HS3ST5: variants seen among roughly 807,000 people sequenced by gnomAD.
HS3ST5 encodes the protein heparan sulfate glucosamine 3-O-sulfotransferase 5.
In HS3ST5, 10 loss-of-function variants were observed where a neutral mutation model predicts 25.4. The observed-to-expected ratio is 0.39, with a 90% confidence interval of 0.24 to 0.67. The LOEUF is 0.67. Ranked by LOEUF, HS3ST5 falls within the 30% of genes least tolerant of loss-of-function variation. HS3ST5 has a pLI of 0.44. For missense variants in HS3ST5, 324 were observed against 420.7 expected, an observed-to-expected ratio of 0.77 and a Z score of 2.01; for synonymous variants, 170 against 162.4, an observed-to-expected ratio of 1.05 and a Z score of -0.36.
intron 3 of HS3ST5, among the ~76,000 whole-genome samples, chr6:114,103,390 T>G (rs1775826298): frequency 6.6e-6 from 1 of 152,068 alleles, no homozygotes; most frequent in Admixed American, 6.6e-5. Flanking sequence ...TATTATGTTT[T>G]ATGATAAGAG....
chr6:114,062,306 G>GC (rs1773164190), intron 4 of HS3ST5, among the ~76,000 whole-genome samples: 4 of 152,140 alleles, frequency 2.6e-5, no homozygotes, highest in African/African-American at 9.7e-5. Context: ...AACTCGATGA[G>GC]CTCCTTTAGA....
intron 1 of HS3ST5, among the ~76,000 whole-genome samples, chr6:114,253,769 T>C (rs1006911113): frequency 5.9e-5 from 9 of 152,224 alleles, no homozygotes; most frequent in African/African-American, 2.2e-4. Context: ...CATGGTGAGA[T>C]AGTATTTCAG....
chr6:114,255,930 AAC>A (rs1201265835), intron 1 of HS3ST5, among the ~76,000 whole-genome samples: 3 of 152,174 alleles, frequency 2.0e-5, no homozygotes, highest in African/African-American at 7.2e-5. Context: ...CTTGGTGATT[AAC>A]ATTTGACTCC....
chr6:114,109,861 C>A (rs1776182605), intron 3 of HS3ST5, among the ~76,000 whole-genome samples: 1 of 152,190 alleles, frequency 6.6e-6, no homozygotes, highest in African/African-American at 2.4e-5. Flanking sequence ...AAGGCTACAA[C>A]AAGGGACAGT....
chr6:114,134,667 A>G (rs1371950008), intron 3 of HS3ST5, among the ~76,000 whole-genome samples: 1 of 152,172 alleles, frequency 6.6e-6, no homozygotes. Context: ...GTTTTTTAAA[A>G]GCTCCTCAGG....
At chr6:114,335,350 C>T (rs1819198) in intron 1 of HS3ST5, among the ~76,000 whole-genome samples, 90,317 of 151,290 alleles carry the variant, frequency 0.6, 27,140 homozygotes, top group Non-Finnish European at 0.62. Context: ...AACTTGATCT[C>T]TTAAGTCAAG....
rs1772837120 is a variant in HS3ST5, at chr6:114,057,524, G to A, written c.774C>T (p.Leu258=). ...EQFHVVDGDR[L]ITEPLPELQL... is the part of the protein sequence containing the mutation. ...GAAGTTCTGGCAGAGGTTCCGTGAT[G>A]AGGCGATCTCCATCGACGACATGAA... The change falls in exon 5 of 5, where the codon CTC becomes CTT. Residue 258 remains leucine, a synonymous_variant. Transcript: ENST00000312719. The A allele has an allele frequency of 1.2e-6, 2 of 1,614,092 alleles. No homozygotes were observed. Among genetic ancestry groups the A allele is most frequent in the Admixed American group, 3.3e-5 (2 of 60,006 alleles).
rs1256731988 is a variant in HS3ST5 at position 114,100,928 on chromosome 6, T to G, written c.-32-38051A>C. Among the ~76,000 whole-genome samples, 3 of 152,338 alleles carry G rather than the reference T, an allele frequency of 2.0e-5. No homozygotes were observed. In the East Asian group the frequency reaches 5.8e-4, roughly 29 times the overall value. On this transcript the variant is annotated intron_variant, in intron 3 of 4. Coordinates refer to ENST00000312719, the MANE Select transcript of HS3ST5 (RefSeq NM_153612.4). Reference sequence around the variant, plus strand: ...TAAAGTGCTAGCTAAGAGTCATAGCTTTTGGTTTGAAAACAATTAATCTGG... The same window carrying G: ...TAAAGTGCTAGCTAAGAGTCATAGCGTTTGGTTTGAAAACAATTAATCTGG...
At chr6:114,138,628 C>T (rs1030294754) in intron 3 of HS3ST5, among the ~76,000 whole-genome samples, 7 of 152,134 alleles carry the variant, frequency 4.6e-5, no homozygotes, top group Admixed American at 1.3e-4. Context: ...TCCTTTGTAC[C>T]GGACCCATCT....
intron 1 of HS3ST5, among the ~76,000 whole-genome samples, chr6:114,231,695 A>G (rs186569438): frequency 5.3e-5 from 8 of 151,844 alleles, no homozygotes; most frequent in Admixed American, 3.9e-4. Flanking sequence ...AATGATAGGA[A>G]TGAGCACATA....
At chr6:114,063,699 G>T (rs533630737) in intron 3 of HS3ST5, among the ~76,000 whole-genome samples, 1 of 152,204 alleles carries the variant, frequency 6.6e-6, no homozygotes, top group South Asian at 2.1e-4. Context: ...AGAAGAAGGG[G>T]GTGAAATCGA....
At chr6:114,085,368 C>T (rs1016207177) in intron 3 of HS3ST5, among the ~76,000 whole-genome samples, 1 of 152,122 alleles carries the variant, frequency 6.6e-6, no homozygotes, top group African/African-American at 2.4e-5. Flanking sequence ...TTATGGACCA[C>T]ACATGCAGGA....
chr6:114,272,622 G>C (rs865825583), intron 1 of HS3ST5, among the ~76,000 whole-genome samples: 1 of 152,066 alleles, frequency 6.6e-6, no homozygotes, highest in African/African-American at 2.4e-5. Flanking sequence ...TTACTGCTAA[G>C]CCACAGGAGA....
rs144381078 is a variant in HS3ST5 at position 114,163,075 on chromosome 6, C to T, written c.-33+5276G>A. ...AATGAATGCAAAATGCTGTTCTAGG[C>T]TTCTTATATGATTAGGATGAAAGCT... On this transcript the variant is annotated intron_variant, in intron 3 of 4. Coordinates refer to ENST00000312719, the MANE Select transcript of HS3ST5 (RefSeq NM_153612.4). 5.6e-4 allele frequency among the ~76,000 whole-genome samples: 85 copies of T among 152,254 alleles called. 1 individual carries two copies. The East Asian group carries it at 0.014, about 25-fold the overall frequency.
chr6:114,128,199 C>A (rs1777145277), intron 3 of HS3ST5, among the ~76,000 whole-genome samples: 1 of 152,140 alleles, frequency 6.6e-6, no homozygotes, highest in African/African-American at 2.4e-5. Flanking sequence ...TCTGTGATCA[C>A]ATCTGAATCT....
chr6:114,214,767 A>G (rs1436755571), intron 2 of HS3ST5, among the ~76,000 whole-genome samples: 1 of 152,186 alleles, frequency 6.6e-6, no homozygotes, highest in Non-Finnish European at 1.5e-5. Flanking sequence ...TAGGCCCCAG[A>G]ACAAGAATCA....
At chr6:114,215,189 T>G (rs953009088) in intron 2 of HS3ST5, among the ~76,000 whole-genome samples, 1 of 151,642 alleles carries the variant, frequency 6.6e-6, no homozygotes, top group African/African-American at 2.4e-5. Context: ...CCCTGTAGTC[T>G]CAGCTTCTCG....
At position 114,057,581 on chromosome 6, in the gene HS3ST5, T is replaced by C. The variant is rs2114690479; in HGVS notation, c.717A>G (p.Glu239=). ...VRTSIYTKHL[E]RWLKYFPIEQ... ...CAATTGGAAAGTATTTCAACCACCT[T>C]TCCAGATGTTTGGTGTAGATGCTGG... Residue 239 remains glutamate, a synonymous_variant, in exon 5 of 5, where the codon GAA becomes GAG. Transcript: ENST00000312719. The C allele has an allele frequency of 6.2e-7, 1 of 1,614,228 alleles. No homozygotes were observed. Among genetic ancestry groups the C allele is most frequent in the East Asian group, 2.2e-5 (1 of 44,882 alleles).
chr6:114,239,856 T>C (rs1562248990), intron 1 of HS3ST5, among the ~76,000 whole-genome samples: 2 of 152,328 alleles, frequency 1.3e-5, no homozygotes, highest in South Asian at 4.1e-4. Context: ...GGAACATTCA[T>C]GCATTTGTTC....
Sources: gnomAD v4.1 joint callset for allele counts (sites outside exome capture counted in the v4.1 genomes callset) on GRCh38, gnomAD v4.1.1 for gene constraint, MANE v1.5 for transcripts, NCBI Gene and HGNC (gene_info 2026-07-23, HGNC 2026-07-21) for gene names.